The following MTMR7 variants were observed in gnomAD, a reference collection of about 807,000 sequenced individuals.
The protein encoded by MTMR7 is phosphatidylinositol-3-phosphate phosphatase MTMR7.
Under a neutral mutation model 81.2 loss-of-function variants are expected in MTMR7, and 76 were observed. The observed-to-expected ratio is 0.94, with a 90% CI of 0.78 to 1.13. The LOEUF is 1.13. MTMR7 is among the 50% of genes most tolerant of loss of function. MTMR7 has a pLI of 0.00. For missense variants in MTMR7, 1,044 were observed against 820.0 expected, an observed-to-expected ratio of 1.27 and a Z score of -3.34; for synonymous variants, 372 against 289.8, an observed-to-expected ratio of 1.28 and a Z score of -2.88.
In MTMR7 at chr8:17,408,395, C is replaced by CAAAAAAAAA. The variant is rs530240881; in HGVS notation, c.24+4865_24+4873dup. 4.9e-3 allele frequency among the ~76,000 whole-genome samples: 115 copies of CAAAAAAAAA among 23,502 alleles called. 9 individuals carry two copies. The highest frequency in any genetic ancestry group is 0.01 in the East Asian group (5 of 498). 15.4% of individuals were successfully genotyped at this position (23,502 alleles called of 152,430 possible). ...TGGGCGACAGAGCGAGACTCCGTCT[C>CAAAAAAAAA]AAAAAAAAAAAAAAAAAAAAAAAGA... On this transcript the variant is annotated intron_variant, in intron 1 of 13. Coordinates refer to ENST00000180173, the MANE Select transcript of MTMR7 (RefSeq NM_004686.5).
intron 5 of MTMR7, among the ~76,000 whole-genome samples, chr8:17,341,919 C>G (rs1286760122): frequency 6.8e-6 from 1 of 147,316 alleles, no homozygotes; most frequent in Admixed American, 6.8e-5. Flanking sequence ...GCTTTCCAAC[C>G]TTTTTTTTTT....
At chr8:17,300,858 A>G (rs909812323) in intron 13 of MTMR7, among the ~76,000 whole-genome samples, 1 of 152,230 alleles carries the variant, frequency 6.6e-6, no homozygotes, top group Non-Finnish European at 1.5e-5. Context: ...TATAAATTGA[A>G]TGGAATCATA....
chr8:17,358,474 G>A (rs1819963065), intron 4 of MTMR7, among the ~76,000 whole-genome samples: 2 of 152,138 alleles, frequency 1.3e-5, no homozygotes, highest in Admixed American at 1.3e-4. Context: ...ACATACCTCT[G>A]TCAGAATCAA....
chr8:17,397,080 A>G (rs1821275467), intron 1 of MTMR7, among the ~76,000 whole-genome samples: 1 of 152,070 alleles, frequency 6.6e-6, no homozygotes, highest in Non-Finnish European at 1.5e-5. Flanking sequence ...ATACCCAGGT[A>G]GTACACAGTG....
At chr8:17,333,663 A>C (rs1819126042) in intron 6 of MTMR7, among the ~76,000 whole-genome samples, 1 of 152,166 alleles carries the variant, frequency 6.6e-6, no homozygotes, top group Non-Finnish European at 1.5e-5. Context: ...CAGCCTGCGC[A>C]ACATGGCAAA....
At position 17,410,356 on chromosome 8, in the gene MTMR7, T is replaced by C. The variant is rs182852972; in HGVS notation, c.24+2913A>G. Among the ~76,000 whole-genome samples, 3 of 152,330 alleles carry C rather than the reference T, an allele frequency of 2.0e-5. 1 individual carries two copies. The highest frequency in any genetic ancestry group is 6.5e-5 in the Admixed American group (1 of 15,294). On this transcript the variant is annotated intron_variant, in intron 1 of 13. Transcript: ENST00000180173. ...CCTGGACACATTTGCCTCAATCTAG[T>C]ACCAAACTAAATCCTACAAACACTT...
chr8:17,344,321 A>G (rs1021943826), intron 5 of MTMR7, among the ~76,000 whole-genome samples: 1 of 152,224 alleles, frequency 6.6e-6, no homozygotes, highest in African/African-American at 2.4e-5. Context: ...TTATTAAGAT[A>G]CAGCATAAAG....
At chr8:17,410,342 T>A (rs7839135) in intron 1 of MTMR7, among the ~76,000 whole-genome samples, 33,671 of 152,094 alleles carry the variant, frequency 0.22, 4,569 homozygotes, top group South Asian at 0.3. Context: ...CTGGACACAT[T>A]TGCCTCAATC....
At chr8:17,384,344 G>C (rs1181546224) in intron 1 of MTMR7, among the ~76,000 whole-genome samples, 1 of 152,178 alleles carries the variant, frequency 6.6e-6, no homozygotes, top group Admixed American at 6.5e-5. Context: ...CCAGGAGTTT[G>C]AGGTTATAGT....
intron 7 of MTMR7, among the ~76,000 whole-genome samples, chr8:17,315,361 G>A (rs1818009659): frequency 6.6e-6 from 1 of 152,060 alleles, no homozygotes; most frequent in Non-Finnish European, 1.5e-5. Flanking sequence ...TAAATAGGTG[G>A]GGCACAAGAA....
intron 3 of MTMR7, among the ~76,000 whole-genome samples, chr8:17,364,033 T>A (rs949102722): frequency 2.7e-4 from 37 of 136,300 alleles, no homozygotes; most frequent in Non-Finnish European, 4.9e-4. Flanking sequence ...TTTTTTTTTT[T>A]TTTTTTTTTT....
At chr8:17,326,775 C>G (rs148835579) in intron 7 of MTMR7, among the ~76,000 whole-genome samples, 2 of 152,234 alleles carry the variant, frequency 1.3e-5, no homozygotes, top group African/African-American at 4.8e-5. Context: ...CGCAGCCCAG[C>G]TGCCACTTTG....
chr8:17,393,023 G>C (rs942140846), intron 1 of MTMR7, among the ~76,000 whole-genome samples: 1 of 152,126 alleles, frequency 6.6e-6, no homozygotes, highest in African/African-American at 2.4e-5. Flanking sequence ...AAGCTTTCAA[G>C]ATCATATACC....
intron 1 of MTMR7, among the ~76,000 whole-genome samples, chr8:17,408,062 T>G (rs1036167257): frequency 2.6e-5 from 4 of 152,182 alleles, no homozygotes; most frequent in African/African-American, 9.6e-5. Flanking sequence ...GACCTTTGTA[T>G]GAACCTAAAA....
chr8:17,390,822 G>A (rs78669182), intron 1 of MTMR7, among the ~76,000 whole-genome samples: 3,220 of 152,194 alleles, frequency 0.021, 92 homozygotes, highest in South Asian at 0.072. Context: ...ACTCACTACC[G>A]CTTACCAGAG....
chr8:17,299,769 AC>A lies in MTMR7; in HGVS notation c.*92del. ...ATTAAAGTAGTTCTCAATGACATGCACCATTTCCTGTTTTTACAATAAACCA... is the reference window on the plus strand; with the variant it reads ...ATTAAAGTAGTTCTCAATGACATGCACATTTCCTGTTTTTACAATAAACCA... On this transcript the variant is annotated 3_prime_UTR_variant, in exon 14 of 14. Transcript: ENST00000180173. 1 of 1,524,788 alleles carries A rather than the reference AC, an allele frequency of 6.6e-7. No individual in the cohort carries two copies. The highest frequency in any genetic ancestry group is 8.9e-7 in the Non-Finnish European group (1 of 1,128,316). 94.5% of individuals were successfully genotyped at this position (1,524,788 alleles called of 1,614,324 possible). A position where few individuals can be genotyped will look rare whatever the true frequency, so the allele number is the denominator to read the frequency against.
At chr8:17,392,089 G>A (rs373613466) in intron 1 of MTMR7, among the ~76,000 whole-genome samples, 6 of 152,144 alleles carry the variant, frequency 3.9e-5, no homozygotes, top group Admixed American at 2.0e-4. Flanking sequence ...ACAAAGTCAC[G>A]GAATCTTGGG....
At chr8:17,334,157 T>TCATCTAC (rs762779898) in intron 6 of MTMR7, among the ~76,000 whole-genome samples, 67 of 152,298 alleles carry the variant, frequency 4.4e-4, no homozygotes, top group Non-Finnish European at 8.2e-4. Context: ...TGGCAATATT[T>TCATCTAC]CATCTACCAG....
chr8:17,316,601 C>T (rs1036383477), intron 7 of MTMR7, among the ~76,000 whole-genome samples: 6 of 151,934 alleles, frequency 3.9e-5, no homozygotes, highest in Non-Finnish European at 8.8e-5. Flanking sequence ...TCTGTATTCT[C>T]GGGTTCCACA....
Sources: gnomAD v4.1 joint callset for allele counts (sites outside exome capture counted in the v4.1 genomes callset) on GRCh38, gnomAD v4.1.1 for gene constraint, MANE v1.5 for transcripts, NCBI Gene and HGNC (gene_info 2026-07-23, HGNC 2026-07-21) for gene names.